TFPI: variants seen among roughly 807,000 people sequenced by gnomAD.
TFPI encodes the protein anti-convertin.
Under a neutral mutation model 34.6 loss-of-function variants are expected in TFPI, and 15 were observed. That is an observed-to-expected ratio of 0.43 (90% CI 0.29 to 0.67). TFPI has a LOEUF of 0.67. TFPI is among the 30% of genes least tolerant of loss of function. The pLI is 0.15. For missense variants in TFPI, 301 were observed against 364.0 expected, an observed-to-expected ratio of 0.83 and a Z score of 1.41; for synonymous variants, 105 against 120.1, an observed-to-expected ratio of 0.87 and a Z score of 0.82.
Position 187,478,795 on chromosome 2 carries a change from C to G in TFPI, c.628+5329G>C. On this transcript the variant is annotated intron_variant, in intron 6 of 7. Coordinates refer to ENST00000233156, the MANE Select transcript of TFPI (RefSeq NM_006287.6). ...TTCTTCCAACCATCATTTGTTCCTT[C>G]TTTTGTAACTGTGGATCACAAAATT... 1.9e-6 allele frequency: 3 copies of G among 1,612,376 alleles called. No individual in the cohort carries two copies. In the East Asian group the frequency reaches 6.7e-5, roughly 36 times the overall value.
chr2:187,488,188 T>A (rs1473122140), intron 4 of TFPI, 149 bp downstream of exon 4: 2 of 546,352 alleles, frequency 3.7e-6, no homozygotes, highest in Admixed American at 4.0e-5. Context: ...CTTTTATGGA[T>A]TTTTTTAAAT....
At chr2:187,539,991 C>T (rs1380976260) in intron 1 of TFPI, among the ~76,000 whole-genome samples, 2 of 151,768 alleles carry the variant, frequency 1.3e-5, no homozygotes, top group South Asian at 2.1e-4. Flanking sequence ...TTCCGCCTCC[C>T]GGGTTCAAGC....
intron 1 of TFPI, among the ~76,000 whole-genome samples, chr2:187,534,614 CAT>C (rs1688143261): frequency 6.6e-6 from 1 of 152,150 alleles, no homozygotes; most frequent in Non-Finnish European, 1.5e-5. Flanking sequence ...ACTGCAAAAA[CAT>C]AACAGATTGT....
chr2:187,514,715 T>C (rs769286106), intron 1 of TFPI: 4 of 152,220 alleles, frequency 2.6e-5, no homozygotes, highest in Non-Finnish European at 4.4e-5. Flanking sequence ...CCTTTCACCC[T>C]GGCATTTCAT....
At chr2:187,550,521 C>T (rs1489687760) in intron 1 of TFPI, among the ~76,000 whole-genome samples, 1 of 152,086 alleles carries the variant, frequency 6.6e-6, no homozygotes, top group Non-Finnish European at 1.5e-5. Context: ...CATATACCAA[C>T]ACCCAATAAG....
chr2:187,527,975 A>G (rs895716103), intron 1 of TFPI, among the ~76,000 whole-genome samples: 1 of 152,066 alleles, frequency 6.6e-6, no homozygotes, highest in African/African-American at 2.4e-5. Flanking sequence ...AAAATAAACA[A>G]AATATATGAA....
chr2:187,474,083 A>C (rs188380662), intron 6 of TFPI, among the ~76,000 whole-genome samples: 50 of 152,308 alleles, frequency 3.3e-4, no homozygotes, highest in Middle Eastern at 6.8e-3. Context: ...ACAAAGAAAG[A>C]AAGCCATGGT....
intron 1 of TFPI, among the ~76,000 whole-genome samples, chr2:187,543,447 C>T (rs139100042): frequency 1.8e-3 from 268 of 152,276 alleles, no homozygotes; most frequent in South Asian, 7.5e-3. Flanking sequence ...AAGTAAAAAA[C>T]TGGTGTTCAT....
chr2:187,498,614 C>A (rs1264000283), intron 2 of TFPI, among the ~76,000 whole-genome samples: 1 of 151,806 alleles, frequency 6.6e-6, no homozygotes. Context: ...TTTATCTCAA[C>A]TACTAACACT....
rs540188194 is a variant in TFPI at position 187,506,724 on chromosome 2, G to T, written c.-2-2954C>A. ...TGTTTTTACTCATAATTAGACCAGG[G>T]TTATGGGGTTTGGGAAAGAAGATAA... On this transcript the variant is annotated intron_variant, in intron 1 of 7. Transcript: ENST00000233156. 2.8e-4 allele frequency among the ~76,000 whole-genome samples: 42 copies of T among 152,082 alleles called. 1 individual carries two copies. The South Asian group carries it at 7.5e-3, about 27-fold the overall frequency.
At chr2:187,478,026 G>C (rs1346653633) in intron 6 of TFPI, among the ~76,000 whole-genome samples, 2 of 152,106 alleles carry the variant, frequency 1.3e-5, no homozygotes, top group African/African-American at 4.8e-5. Flanking sequence ...AGCTTTTTAA[G>C]TCTACCTGAA....
chr2:187,480,438 C>G lies in TFPI; in HGVS notation c.628+3686G>C, dbSNP rs529836880. 5.9e-5 allele frequency among the ~76,000 whole-genome samples: 9 copies of G among 152,208 alleles called. No individual in the cohort carries two copies. In the South Asian group the frequency reaches 1.7e-3, roughly 28 times the overall value. On this transcript the variant is annotated intron_variant, in intron 6 of 7. Transcript: ENST00000233156. ...CAACTTAGTACTATAATATTACCAT[C>G]CTCATTTTACATTGGAAAGATGAAA...
rs373953673 is a variant in TFPI at position 187,467,871 on chromosome 2, C to G, written c.690G>C (p.Glu230Asp). 3.1e-6 allele frequency: 5 copies of G among 1,612,230 alleles called. No homozygotes were observed. The highest frequency in any genetic ancestry group is 4.2e-6 in the Non-Finnish European group (5 of 1,179,150). Residue 230 changes from glutamate to aspartate, a missense_variant, in exon 7 of 8, where the codon GAG becomes GAC. Transcript: ENST00000233156. ...PADRGLCRAN[E>D]NRFYYNSVIG... ...TGACTGAATTGTAGTAGAATCTGTT[C>G]TCATTGGCACGACACAATCCTCTGT...
At chr2:187,494,910 A>G (rs977555533) in intron 3 of TFPI, among the ~76,000 whole-genome samples, 1 of 152,034 alleles carries the variant, frequency 6.6e-6, no homozygotes, top group Admixed American at 6.6e-5. Flanking sequence ...TTTAGTAGGG[A>G]CGGAGTTTCA....
chr2:187,551,398 G>A (rs539001011), intron 1 of TFPI, among the ~76,000 whole-genome samples: 6 of 152,120 alleles, frequency 3.9e-5, no homozygotes, highest in African/African-American at 1.4e-4. Flanking sequence ...GATTTGACAT[G>A]GGCCCATACT....
intron 1 of TFPI, among the ~76,000 whole-genome samples, chr2:187,511,044 G>A (rs1476941655): frequency 6.6e-6 from 1 of 152,114 alleles, no homozygotes; most frequent in Non-Finnish European, 1.5e-5. Flanking sequence ...GCATCCCTGT[G>A]GGGACTCCAG....
chr2:187,517,611 T>C (rs1328984461), intron 1 of TFPI: 1 of 152,232 alleles, frequency 6.6e-6, no homozygotes, highest in Non-Finnish European at 1.5e-5. Flanking sequence ...GAAGAATGTA[T>C]ATTCTGTTGA....
chr2:187,521,998 T>C (rs537652491), intron 1 of TFPI, among the ~76,000 whole-genome samples: 5 of 152,316 alleles, frequency 3.3e-5, no homozygotes, highest in African/African-American at 1.2e-4. Flanking sequence ...ATAATGCTGC[T>C]GAGCATCTTT....
chr2:187,484,918 T>C lies in TFPI; in HGVS notation c.428A>G (p.Tyr143Cys). ...TTCACACTGTTTTGTCTGATTGTTATAAAAATACCTGGTAATATAACCTCG... is the reference window on the plus strand; with the variant it reads ...TTCACACTGTTTTGTCTGATTGTTACAAAAATACCTGGTAATATAACCTCG... The part of the protein sequence containing the change: ...ICRGYITRYF[Y>C]NNQTKQCERF... The change falls in exon 5 of 8, where the codon TAT (tyrosine) becomes TGT (cysteine). Residue 143 changes from tyrosine (Y) to cysteine (C), a missense_variant. Physicochemically the swap from Tyr to Cys is radical, Grantham distance 194 (BLOSUM62 -2). Transcript: ENST00000233156. The C allele has an allele frequency of 6.3e-7, 1 of 1,583,326 alleles. No individual in the cohort carries two copies. Among genetic ancestry groups the C allele is most frequent in the South Asian group, 1.2e-5 (1 of 82,174 alleles).
Sources: gnomAD v4.1 joint callset for allele counts (sites outside exome capture counted in the v4.1 genomes callset) on GRCh38, gnomAD v4.1.1 for gene constraint, MANE v1.5 for transcripts, NCBI Gene and HGNC (gene_info 2026-07-23, HGNC 2026-07-21) for gene names.